ANTXR1: variants seen among roughly 807,000 people sequenced by gnomAD.
The protein encoded by ANTXR1 is ANTXR cell adhesion molecule 1, also known as anthrax toxin receptor 1.
ANTXR1 carries 19 observed loss-of-function variants against 78.1 expected under a neutral mutation model. The observed-to-expected ratio is 0.24, with a 90% CI of 0.17 to 0.36. The LOEUF (loss-of-function observed/expected upper bound fraction) is 0.36, where lower values mean the gene tolerates loss of function less well. Ranked by LOEUF, ANTXR1 falls within the 10% of genes least tolerant of loss-of-function variation. ANTXR1 has a pLI of 1.00. For missense variants in ANTXR1, 518 were observed against 718.6 expected (o/e 0.72, Z 3.19); for synonymous variants, 273 against 260.5 (o/e 1.05, Z -0.46).
At chr2:69,237,170 T>A (rs1675785533) in intron 17 of ANTXR1, among the ~76,000 whole-genome samples, 1 of 152,220 alleles carries the variant, frequency 6.6e-6, no homozygotes, top group Non-Finnish European at 1.5e-5. Context: ...TGTTACCAAA[T>A]ATTTCCTGTG....
chr2:69,016,099 T>C (rs1009045947), intron 1 of ANTXR1, among the ~76,000 whole-genome samples: 11 of 152,226 alleles, frequency 7.2e-5, no homozygotes, highest in African/African-American at 2.4e-4. Flanking sequence ...TGGTGCAGTC[T>C]TTCTAGACTT....
chr2:69,059,189 C>T (rs961823099), intron 3 of ANTXR1, among the ~76,000 whole-genome samples: 7 of 152,178 alleles, frequency 4.6e-5, no homozygotes, highest in African/African-American at 7.2e-5. Flanking sequence ...TGAGAGGATT[C>T]GCTCCAATTT....
Position 69,187,585 on chromosome 2 carries a change from C to CTTT in ANTXR1, c.1353+4944_1353+4946dup, listed in dbSNP as rs58660678. Among the ~76,000 whole-genome samples, 315 of 94,850 alleles carry CTTT rather than the reference C, an allele frequency of 3.3e-3. 2 individuals carry two copies. The highest frequency in any genetic ancestry group is 7.8e-3 in the Middle Eastern group (1 of 128). 62.2% of individuals were successfully genotyped at this position (94,850 alleles called of 152,430 possible). On this transcript the variant is annotated intron_variant, in intron 16 of 17. Coordinates refer to ENST00000303714, the MANE Select transcript of ANTXR1 (RefSeq NM_032208.3). Reference sequence around the variant, plus strand: ...GGGTCACACTATTTATCATGTATTTCTTTTTTTTTTTTTTTTTTTTTGAGA... The same window carrying CTTT: ...GGGTCACACTATTTATCATGTATTTCTTTTTTTTTTTTTTTTTTTTTTTTGAGA...
At chr2:69,023,671 G>A (rs1433614829) in intron 1 of ANTXR1, among the ~76,000 whole-genome samples, 8 of 152,158 alleles carry the variant, frequency 5.3e-5, no homozygotes, top group Non-Finnish European at 1.0e-4. Context: ...TATTTATCAA[G>A]CTGTGCTAGA....
intron 1 of ANTXR1, among the ~76,000 whole-genome samples, chr2:69,022,841 A>T (rs971451027): frequency 6.6e-5 from 10 of 152,208 alleles, no homozygotes; most frequent in African/African-American, 2.2e-4. Context: ...CTTATTTTAG[A>T]TGGTGGCAGA....
chr2:69,146,925 G>A (rs1216498114), intron 12 of ANTXR1, among the ~76,000 whole-genome samples: 2 of 152,224 alleles, frequency 1.3e-5, no homozygotes, highest in East Asian at 1.9e-4. Context: ...CACCAGTCCC[G>A]AGTTAGGCTG....
At chr2:69,209,899 T>G (rs1031148769) in intron 17 of ANTXR1, among the ~76,000 whole-genome samples, 3 of 152,232 alleles carry the variant, frequency 2.0e-5, no homozygotes, top group African/African-American at 7.2e-5. Flanking sequence ...ACAAGTGCCC[T>G]AGCATCCTCC....
intron 10 of ANTXR1, among the ~76,000 whole-genome samples, chr2:69,120,403 C>A (rs536708611): frequency 6.6e-6 from 1 of 152,182 alleles, no homozygotes; most frequent in Admixed American, 6.5e-5. Flanking sequence ...CGGTGGCTCA[C>A]GCCTGTAATC....
chr2:69,154,006 A>G (rs1186291813), intron 13 of ANTXR1, among the ~76,000 whole-genome samples: 1 of 152,212 alleles, frequency 6.6e-6, no homozygotes, highest in Non-Finnish European at 1.5e-5. Flanking sequence ...AGCACCTAAC[A>G]CATAGTAACT....
intron 17 of ANTXR1, among the ~76,000 whole-genome samples, chr2:69,195,317 T>C (rs1279292801): frequency 6.6e-6 from 1 of 152,214 alleles, no homozygotes; most frequent in African/African-American, 2.4e-5. Context: ...GTCTCCTGAC[T>C]GTCCAGCATG....
chr2:69,190,021 G>T (rs1419408345), intron 16 of ANTXR1, among the ~76,000 whole-genome samples: 1 of 152,174 alleles, frequency 6.6e-6, no homozygotes, highest in Non-Finnish European at 1.5e-5. Context: ...GGACCCATGA[G>T]ACTAGATGAG....
At chr2:69,096,886 C>CA (rs1671450493) in intron 9 of ANTXR1, among the ~76,000 whole-genome samples, 1 of 152,208 alleles carries the variant, frequency 6.6e-6, no homozygotes, top group South Asian at 2.1e-4. Context: ...GTACCCAGGC[C>CA]AAGCATGTGG....
chr2:69,054,979 G>C (rs1156856139), intron 3 of ANTXR1, among the ~76,000 whole-genome samples: 1 of 152,094 alleles, frequency 6.6e-6, no homozygotes, highest in African/African-American at 2.4e-5. Flanking sequence ...CAAGTGTCTT[G>C]CCTCTCTGTG....
intron 8 of ANTXR1, among the ~76,000 whole-genome samples, chr2:69,081,181 G>A (rs1222096428): frequency 6.6e-6 from 1 of 152,210 alleles, no homozygotes; most frequent in Admixed American, 6.5e-5. Context: ...GGTGCAAGAA[G>A]GTTGGAGAAA....
At chr2:69,100,441 C>T (rs1671571705) in intron 9 of ANTXR1, among the ~76,000 whole-genome samples, 1 of 152,188 alleles carries the variant, frequency 6.6e-6, no homozygotes, top group Non-Finnish European at 1.5e-5. Flanking sequence ...GTTTGGTTTC[C>T]ACCATTGCCA....
chr2:69,050,811 T>C (rs1669909322), intron 3 of ANTXR1, among the ~76,000 whole-genome samples: 1 of 152,198 alleles, frequency 6.6e-6, no homozygotes, highest in African/African-American at 2.4e-5. Flanking sequence ...TCCAATTGTA[T>C]AAAGCTATTT....
chr2:69,164,062 G>A (rs1318430052), intron 13 of ANTXR1, among the ~76,000 whole-genome samples: 1 of 152,192 alleles, frequency 6.6e-6, no homozygotes, highest in South Asian at 2.1e-4. Flanking sequence ...AACAGACTGT[G>A]CGTGTAGTTT....
Position 69,178,922 on chromosome 2 carries a change from C to T in ANTXR1, c.1090-2864C>T, listed in dbSNP as rs539001109. Among the ~76,000 whole-genome samples the T allele has an allele frequency of 3.3e-5, 5 of 152,182 alleles. No individual in the cohort carries two copies. In the South Asian group the frequency reaches 1.0e-3, roughly 32 times the overall value. ...TAGTTGAGTCCCCTGTGGAATAAAG[C>T]GGCTTTATTCTTGGAGTTTCTTAAC... On this transcript the variant is annotated intron_variant, in intron 14 of 17. Transcript: ENST00000303714.
chr2:69,155,303 A>G (rs1053603199), intron 13 of ANTXR1, among the ~76,000 whole-genome samples: 1 of 152,176 alleles, frequency 6.6e-6, no homozygotes, highest in Non-Finnish European at 1.5e-5. Context: ...TCTGGCTTTT[A>G]AGATTCCTAT....
Sources: gnomAD v4.1 joint callset for allele counts (sites outside exome capture counted in the v4.1 genomes callset) on GRCh38, gnomAD v4.1.1 for gene constraint, MANE v1.5 for transcripts, NCBI Gene and HGNC (gene_info 2026-07-23, HGNC 2026-07-21) for gene names.